The following FARP1 variants were observed in gnomAD, a reference collection of about 807,000 sequenced individuals.
FARP1 encodes FERM, ARHGEF and pleckstrin domain-containing protein 1.
Under a neutral mutation model 128.8 loss-of-function variants are expected in FARP1, and 52 were observed. That is an observed-to-expected ratio of 0.40 (90% CI 0.32 to 0.51). FARP1 has a LOEUF of 0.51. Among genes scored for constraint, FARP1 ranks in the 20% least tolerant of loss-of-function variants. The pLI is 0.45. For missense variants in FARP1, 1,333 were observed against 1,367.9 expected (o/e 0.97, Z 0.40); for synonymous variants, 580 against 551.8 (o/e 1.05, Z -0.72).
intron 2 of FARP1, among the ~76,000 whole-genome samples, chr13:98,222,385 G>A (rs1260309291): frequency 6.6e-6 from 1 of 152,166 alleles, no homozygotes; most frequent in Non-Finnish European, 1.5e-5. Flanking sequence ...TATCTCATTT[G>A]TTGCTAAGTG....
chr13:98,378,963 A>G, intron 6 of FARP1, among the ~76,000 whole-genome samples: 1 of 97,400 alleles, frequency 1.0e-5, no homozygotes, highest in Admixed American at 1.2e-4. Flanking sequence ...TATATAATAT[A>G]TACAATATAT....
chr13:98,439,199 G>A lies in FARP1; in HGVS notation c.2433+3G>A, dbSNP rs1892420302. 6.2e-7 allele frequency: 1 copy of A among 1,609,680 alleles called. No homozygotes were observed. Among genetic ancestry groups the A allele is most frequent in the Non-Finnish European group, 8.5e-7 (1 of 1,176,810 alleles). On this transcript the variant is annotated splice_donor_region_variant and intron_variant, in intron 21 of 26. Transcript: ENST00000319562. ...AGCTCCCGCTCTATGGCATGACGGT[G>A]AGTACAGCACAGGCTCGTGGCCAGG... is the stretch of plus-strand genomic sequence containing the variant.
chr13:98,154,940 G>A (rs1876393838), intron 1 of FARP1, among the ~76,000 whole-genome samples: 1 of 152,208 alleles, frequency 6.6e-6, no homozygotes, highest in Admixed American at 6.5e-5. Flanking sequence ...AGCTGGGCAT[G>A]GTGGCACATA....
At chr13:98,367,314 G>A (rs1432900792) in intron 4 of FARP1, among the ~76,000 whole-genome samples, 1 of 152,014 alleles carries the variant, frequency 6.6e-6, no homozygotes, top group African/African-American at 2.4e-5. Context: ...CCGCCACCAC[G>A]CCTGACTAAT....
chr13:98,168,409 G>T (rs1877431064), intron 1 of FARP1, among the ~76,000 whole-genome samples: 1 of 152,084 alleles, frequency 6.6e-6, no homozygotes, highest in Middle Eastern at 3.2e-3. Context: ...CTCACCTGTT[G>T]TCTAAATCGA....
intron 17 of FARP1, among the ~76,000 whole-genome samples, chr13:98,426,140 T>A (rs7997211): frequency 0.081 from 12,387 of 152,218 alleles, 1,464 homozygotes; most frequent in African/African-American, 0.26. Context: ...AGGGTTTGTC[T>A]TAATTCCCAT....
intron 1 of FARP1, among the ~76,000 whole-genome samples, chr13:98,210,266 C>T (rs1880597140): frequency 6.6e-6 from 1 of 151,954 alleles, no homozygotes; most frequent in South Asian, 2.1e-4. Context: ...CTCTTTTTCC[C>T]ATTTCTTCTT....
intron 12 of FARP1, 74 bp from the exon 13 acceptor site, chr13:98,395,153 T>G (rs1890469083): frequency 2.7e-6 from 4 of 1,496,886 alleles, no homozygotes; most frequent in Admixed American, 4.4e-5. Flanking sequence ...TGGCTCTCCT[T>G]TTCTGTTTTC....
intron 2 of FARP1, among the ~76,000 whole-genome samples, chr13:98,277,270 G>A (rs1434848571): frequency 6.6e-6 from 1 of 151,964 alleles, no homozygotes; most frequent in African/African-American, 2.4e-5. Flanking sequence ...CTCTGGCCAT[G>A]GCCTCGCGTG....
At chr13:98,428,017 C>G (rs1891851388) in intron 17 of FARP1, among the ~76,000 whole-genome samples, 1 of 152,154 alleles carries the variant, frequency 6.6e-6, no homozygotes, top group Non-Finnish European at 1.5e-5. Context: ...TGTCCAAATG[C>G]TTAGAGTGTT....
intron 1 of FARP1, among the ~76,000 whole-genome samples, chr13:98,153,027 A>G (rs1566669271): frequency 2.0e-5 from 3 of 151,936 alleles, no homozygotes; most frequent in Non-Finnish European, 4.4e-5. Context: ...AATATCATCT[A>G]TCTGCACATT....
At chr13:98,356,371 T>G (rs774816615) in intron 3 of FARP1, among the ~76,000 whole-genome samples, 3 of 152,102 alleles carry the variant, frequency 2.0e-5, no homozygotes, top group Admixed American at 6.6e-5. Context: ...ATTATAATGG[T>G]AAGTATTTGT....
At chr13:98,153,990 G>C (rs187485610) in intron 1 of FARP1, among the ~76,000 whole-genome samples, 46 of 152,238 alleles carry the variant, frequency 3.0e-4, no homozygotes, top group African/African-American at 1.1e-3. Context: ...TCTTTGCTCT[G>C]TCACTAACTA....
At chr13:98,188,294 C>T (rs1039325962) in intron 1 of FARP1, among the ~76,000 whole-genome samples, 2 of 152,174 alleles carry the variant, frequency 1.3e-5, no homozygotes, top group African/African-American at 4.8e-5. Context: ...TGGCTCACAC[C>T]TGTAATCCCA....
intron 3 of FARP1, among the ~76,000 whole-genome samples, chr13:98,348,397 G>A (rs910853302): frequency 6.6e-6 from 1 of 152,244 alleles, no homozygotes; most frequent in Non-Finnish European, 1.5e-5. Flanking sequence ...GCTGCTAATT[G>A]GTACATAGAG....
At chr13:98,412,059 T>C (rs1242366431) in intron 16 of FARP1, 25 bp downstream of exon 16, 4 of 1,607,898 alleles carry the variant, frequency 2.5e-6, no homozygotes, top group Admixed American at 1.7e-5. Context: ...ACTTCCCAGC[T>C]ACGTTCCTCC....
intron 1 of FARP1, among the ~76,000 whole-genome samples, chr13:98,169,359 T>C (rs285092): frequency 0.63 from 95,327 of 152,098 alleles, 31,777 homozygotes; most frequent in Non-Finnish European, 0.74. Flanking sequence ...TGCATTGTTT[T>C]GGTAGAACAC....
intron 4 of FARP1, among the ~76,000 whole-genome samples, chr13:98,366,495 A>G (rs1288641788): frequency 6.6e-6 from 1 of 152,190 alleles, no homozygotes; most frequent in Admixed American, 6.5e-5. Context: ...AGTCTAGGAG[A>G]TCGACATTTG....
intron 3 of FARP1, among the ~76,000 whole-genome samples, chr13:98,362,640 G>A (rs1347452449): frequency 6.6e-6 from 1 of 152,170 alleles, no homozygotes. Flanking sequence ...AGTCAGGGTG[G>A]TGGCACCTTC....
Sources: allele counts gnomAD v4.1 joint callset (sites outside exome capture counted in the v4.1 genomes callset), GRCh38; gene constraint gnomAD v4.1.1; transcripts MANE v1.5; gene names NCBI Gene and HGNC (gene_info 2026-07-23, HGNC 2026-07-21).